DRD2: variants seen among roughly 807,000 people sequenced by gnomAD.
The protein encoded by DRD2 is dopamine receptor D2.
Under a neutral mutation model 38.0 loss-of-function variants are expected in DRD2, and 8 were observed. The ratio of observed to expected loss-of-function variants is 0.21; its 90% CI spans 0.12 to 0.38. DRD2 has a LOEUF of 0.38. Among genes scored for constraint, DRD2 ranks in the 10% least tolerant of loss-of-function variants. The pLI is 1.00. For synonymous variants in DRD2, 230 were observed against 238.6 expected (o/e 0.96, Z 0.33); for missense variants, 403 against 607.7 (o/e 0.66, Z 3.54).
chr11:113,414,542 G>A, intron 5 of DRD2, 81 bp from the exon 6 acceptor site: 1 of 1,463,794 alleles, frequency 6.8e-7, no homozygotes, highest in Non-Finnish European at 9.6e-7. Context: ...AGCAGTCCAT[G>A]GAACTCAGAC....
intron 1 of DRD2, among the ~76,000 whole-genome samples, chr11:113,467,355 A>G (rs1271654875): frequency 6.6e-6 from 1 of 152,162 alleles, no homozygotes; most frequent in Non-Finnish European, 1.5e-5. Flanking sequence ...AACAAGAGGG[A>G]TTATCTTTAT....
intron 7 of DRD2, chr11:113,411,407 A>T (rs143348392): frequency 1.5e-3 from 237 of 154,396 alleles, no homozygotes; most frequent in Non-Finnish European, 2.8e-3. Flanking sequence ...AGGTCCCCAG[A>T]TGATCTCGCT....
At chr11:113,426,841 T>G (rs1301221542) in intron 1 of DRD2, among the ~76,000 whole-genome samples, 1 of 152,232 alleles carries the variant, frequency 6.6e-6, no homozygotes, top group African/African-American at 2.4e-5. Context: ...CAAAACCAAC[T>G]GAGCCCTCTT....
At chr11:113,429,591 CGT>C (rs1355666636) in intron 1 of DRD2, among the ~76,000 whole-genome samples, 1 of 152,120 alleles carries the variant, frequency 6.6e-6, no homozygotes, top group African/African-American at 2.4e-5. Context: ...TGGTTTCTAT[CGT>C]GTCTTCAGCA....
chr11:113,432,318 CTCTCTCT>C (rs1950995328), intron 1 of DRD2, among the ~76,000 whole-genome samples: 1 of 151,730 alleles, frequency 6.6e-6, no homozygotes, highest in African/African-American at 2.4e-5. Context: ...CTCTCTCTCT[CTCTCTCT>C]CCCTCCCTCT....
chr11:113,457,138 C>A (rs1343048092), intron 1 of DRD2, among the ~76,000 whole-genome samples: 1 of 152,074 alleles, frequency 6.6e-6, no homozygotes, highest in African/African-American at 2.4e-5. Flanking sequence ...AGGTAGCGGC[C>A]GGGAAGACAG....
At chr11:113,430,313 C>T (rs1192415909) in intron 1 of DRD2, among the ~76,000 whole-genome samples, 1 of 152,184 alleles carries the variant, frequency 6.6e-6, no homozygotes, top group Non-Finnish European at 1.5e-5. Flanking sequence ...TACTAATCAC[C>T]ACATTTCATA....
intron 1 of DRD2, among the ~76,000 whole-genome samples, chr11:113,436,239 A>C (rs1023210431): frequency 5.3e-5 from 8 of 152,236 alleles, no homozygotes; most frequent in African/African-American, 1.9e-4. Flanking sequence ...ATTTCACCAC[A>C]GGAATGCAAT....
chr11:113,458,926 G>A (rs1290398720), intron 1 of DRD2, among the ~76,000 whole-genome samples: 6 of 152,136 alleles, frequency 3.9e-5, no homozygotes, highest in Non-Finnish European at 8.8e-5. Context: ...GGAAATAAGA[G>A]GCAAGCCATC....
chr11:113,458,730 T>C (rs1951289953), intron 1 of DRD2, among the ~76,000 whole-genome samples: 1 of 152,274 alleles, frequency 6.6e-6, no homozygotes, highest in African/African-American at 2.4e-5. Context: ...CACTGTGGAC[T>C]ATACTTCTAT....
chr11:113,457,070 T>C (rs1951274584), intron 1 of DRD2, among the ~76,000 whole-genome samples: 1 of 152,114 alleles, frequency 6.6e-6, no homozygotes, highest in Admixed American at 6.5e-5. Context: ...GCTGGGAGAC[T>C]GACACCAGGA....
intron 1 of DRD2, among the ~76,000 whole-genome samples, chr11:113,465,741 G>T (rs1175058595): frequency 6.6e-6 from 1 of 152,132 alleles, no homozygotes; most frequent in Non-Finnish European, 1.5e-5. Context: ...TGTAACATTG[G>T]GTTCTTTCAA....
intron 1 of DRD2, among the ~76,000 whole-genome samples, chr11:113,453,824 C>G (rs1951240125): frequency 6.6e-6 from 1 of 152,146 alleles, no homozygotes; most frequent in Admixed American, 6.5e-5. Context: ...TTACTCTACT[C>G]CTAGGACAGA....
chr11:113,429,287 C>T (rs143096974), intron 1 of DRD2, among the ~76,000 whole-genome samples: 156 of 152,116 alleles, frequency 1.0e-3, no homozygotes, highest in African/African-American at 3.5e-3. Flanking sequence ...CTCTGTCACC[C>T]GGGCTGGAGT....
rs376859280 is a variant in DRD2 at position 113,448,999 on chromosome 11, A to G, written c.-31-24317T>C. Among the ~76,000 whole-genome samples the G allele has an allele frequency of 3.3e-5, 5 of 152,130 alleles. No individual in the cohort carries two copies. In the East Asian group the frequency reaches 9.6e-4, roughly 29 times the overall value. ...CAGGCTCATGTCACCGCCTCGCTCAAAATATCTTCTATGACTCCCCTGAAG... is the reference window on the plus strand; with the variant it reads ...CAGGCTCATGTCACCGCCTCGCTCAGAATATCTTCTATGACTCCCCTGAAG... On this transcript the variant is annotated intron_variant, in intron 1 of 7. Coordinates refer to ENST00000362072, the MANE Select transcript of DRD2 (RefSeq NM_000795.4).
In DRD2 at chr11:113,410,404, A is replaced by G; in HGVS notation, c.*323T>C. 4.1e-6 allele frequency: 2 copies of G among 484,348 alleles called. No homozygotes were observed. The highest frequency in any genetic ancestry group is 4.4e-5 in the South Asian group (2 of 45,460). The allele number at this position is 484,348 out of a possible 1,614,324, so 30.0% of individuals were successfully genotyped here. On this transcript the variant is annotated 3_prime_UTR_variant, in exon 8 of 8. Coordinates refer to ENST00000362072, the MANE Select transcript of DRD2 (RefSeq NM_000795.4). ...CAGGCTCCAGCAACCCTAGAGCCCCAGAGGAAGGTCAAGGAAGGCGGCTGC... is the reference window on the plus strand; with the variant it reads ...CAGGCTCCAGCAACCCTAGAGCCCCGGAGGAAGGTCAAGGAAGGCGGCTGC...
chr11:113,439,889 C>A (rs1450904883), intron 1 of DRD2, among the ~76,000 whole-genome samples: 1 of 114,412 alleles, frequency 8.7e-6, no homozygotes, highest in African/African-American at 3.3e-5. Context: ...AGAGTAAGAC[C>A]AGGAAAGTGA....
chr11:113,427,268 T>G (rs900523895), intron 1 of DRD2, among the ~76,000 whole-genome samples: 11 of 152,168 alleles, frequency 7.2e-5, no homozygotes. Context: ...TTCTGTTCAC[T>G]TCCCTTCCCT....
intron 1 of DRD2, among the ~76,000 whole-genome samples, chr11:113,468,550 T>A (rs1951391550): frequency 6.6e-6 from 1 of 152,094 alleles, no homozygotes; most frequent in Admixed American, 6.5e-5. Flanking sequence ...TTTGTTTGTT[T>A]GTTTGTTTGT....
Sources: gnomAD v4.1 joint callset for allele counts (sites outside exome capture counted in the v4.1 genomes callset) on GRCh38, gnomAD v4.1.1 for gene constraint, MANE v1.5 for transcripts, NCBI Gene and HGNC (gene_info 2026-07-23, HGNC 2026-07-21) for gene names.